The following SUPT3H variants were observed in gnomAD, a reference collection of about 807,000 sequenced individuals.
The protein encoded by SUPT3H is SPT3 homolog, SAGA and STAGA complex component, also known as transcription initiation protein SPT3 homolog.
A neutral mutation model predicts 44.3 loss-of-function variants in SUPT3H; 44 were observed. That is an observed-to-expected ratio of 0.99 (90% CI 0.78 to 1.28). The LOEUF (loss-of-function observed/expected upper bound fraction) is 1.28. SUPT3H is among the 50% of genes most tolerant of loss of function. SUPT3H has a pLI of 0.00. For missense variants in SUPT3H, 380 were observed against 387.1 expected (o/e 0.98, Z 0.15); for synonymous variants, 124 against 125.6 (o/e 0.99, Z 0.09).
intron 10 of SUPT3H, among the ~76,000 whole-genome samples, chr6:44,895,067 C>T: frequency 6.6e-6 from 1 of 151,888 alleles, no homozygotes; most frequent in East Asian, 1.9e-4. Flanking sequence ...AATACTTAAA[C>T]ATTTTCTTTA....
intron 2 of SUPT3H, among the ~76,000 whole-genome samples, chr6:45,360,754 A>G (rs1429064060): frequency 6.6e-6 from 1 of 152,148 alleles, no homozygotes. Context: ...TGGACATTCT[A>G]AATTTGAGGT....
intron 2 of SUPT3H, among the ~76,000 whole-genome samples, chr6:45,275,181 T>A (rs779424101): frequency 2.0e-5 from 3 of 152,136 alleles, no homozygotes; most frequent in Non-Finnish European, 4.4e-5. Flanking sequence ...CATCACAAAA[T>A]AAACTGGGAG....
At chr6:45,311,130 A>T (rs1783878173) in intron 2 of SUPT3H, among the ~76,000 whole-genome samples, 1 of 152,202 alleles carries the variant, frequency 6.6e-6, no homozygotes, top group Admixed American at 6.5e-5. Context: ...TAGAAATGCA[A>T]AATGCTCTGG....
intron 2 of SUPT3H, among the ~76,000 whole-genome samples, chr6:45,179,871 G>A (rs1038281746): frequency 6.6e-6 from 1 of 152,164 alleles, no homozygotes; most frequent in African/African-American, 2.4e-5. Flanking sequence ...TCTGTCCAGG[G>A]CAATTAGGCA....
At chr6:45,318,366 T>G (rs572057892) in intron 2 of SUPT3H, among the ~76,000 whole-genome samples, 3 of 152,196 alleles carry the variant, frequency 2.0e-5, no homozygotes, top group Admixed American at 1.3e-4. Context: ...GCAAAACCTA[T>G]GAAATGGTAC....
chr6:45,084,896 G>T (rs1008545239), intron 3 of SUPT3H, among the ~76,000 whole-genome samples: 5 of 152,136 alleles, frequency 3.3e-5, no homozygotes, highest in Non-Finnish European at 7.4e-5. Flanking sequence ...TCACCTGTTA[G>T]TGGGAGCTAA....
At chr6:45,330,545 C>A (rs915275991) in intron 2 of SUPT3H, among the ~76,000 whole-genome samples, 2 of 151,850 alleles carry the variant, frequency 1.3e-5, no homozygotes, top group East Asian at 3.9e-4. Flanking sequence ...TCAAAAAATT[C>A]TTCAGTATTA....
At chr6:45,046,035 C>T (rs1789341774) in intron 3 of SUPT3H, among the ~76,000 whole-genome samples, 1 of 152,144 alleles carries the variant, frequency 6.6e-6, no homozygotes, top group South Asian at 2.1e-4. Context: ...GACTTGTTCT[C>T]ATTCTTAAGG....
intron 10 of SUPT3H, among the ~76,000 whole-genome samples, chr6:44,918,022 A>T (rs1768083447): frequency 6.6e-6 from 1 of 152,164 alleles, no homozygotes; most frequent in Non-Finnish European, 1.5e-5. Context: ...ACAGCTGGTA[A>T]CCTGTGACAT....
At chr6:44,889,902 C>A (rs1335287781) in intron 10 of SUPT3H, among the ~76,000 whole-genome samples, 14 of 151,934 alleles carry the variant, frequency 9.2e-5, no homozygotes, top group South Asian at 4.2e-4. Flanking sequence ...CAATGAACTC[C>A]AACAAATTTA....
intron 6 of SUPT3H, among the ~76,000 whole-genome samples, chr6:44,984,212 A>G (rs1025827873): frequency 6.6e-6 from 1 of 152,090 alleles, no homozygotes; most frequent in Admixed American, 6.6e-5. Context: ...GCTGAATCAA[A>G]CAGAGGCCAT....
At chr6:45,342,364 C>T (rs1010890952) in intron 2 of SUPT3H, among the ~76,000 whole-genome samples, 1 of 152,016 alleles carries the variant, frequency 6.6e-6, no homozygotes, top group South Asian at 2.1e-4. Flanking sequence ...TGGGTTCAAG[C>T]GATTCTCCTG....
At chr6:45,014,069 T>C (rs990336863) in intron 5 of SUPT3H, among the ~76,000 whole-genome samples, 1 of 152,084 alleles carries the variant, frequency 6.6e-6, no homozygotes, top group African/African-American at 2.4e-5. Context: ...GACTCTGCCA[T>C]CCTTACATAG....
intron 9 of SUPT3H, among the ~76,000 whole-genome samples, chr6:44,933,526 C>T (rs1371413652): frequency 6.6e-6 from 1 of 152,092 alleles, no homozygotes; most frequent in Non-Finnish European, 1.5e-5. Context: ...ATATCTCGGG[C>T]CTCGGTTTCC....
chr6:45,157,269 C>T (rs1807982245), intron 2 of SUPT3H, among the ~76,000 whole-genome samples: 1 of 151,872 alleles, frequency 6.6e-6, no homozygotes, highest in African/African-American at 2.4e-5. Context: ...TATTTTGAAA[C>T]ATTCTTTTTA....
At chr6:45,281,588 G>C (rs1778092230) in intron 2 of SUPT3H, among the ~76,000 whole-genome samples, 1 of 152,214 alleles carries the variant, frequency 6.6e-6, no homozygotes, top group Admixed American at 6.5e-5. Flanking sequence ...AAACAAAGCA[G>C]CCGGGAAGCT....
At chr6:45,348,224 G>A (rs1367764651) in intron 2 of SUPT3H, among the ~76,000 whole-genome samples, 1 of 151,890 alleles carries the variant, frequency 6.6e-6, no homozygotes, top group Non-Finnish European at 1.5e-5. Context: ...GTCTGACTCT[G>A]GAGTCAGAAA....
At chr6:45,354,555 GGAT>G (rs1792745890) in intron 2 of SUPT3H, among the ~76,000 whole-genome samples, 1 of 151,850 alleles carries the variant, frequency 6.6e-6, no homozygotes, top group Non-Finnish European at 1.5e-5. Flanking sequence ...CAGTTTCCTT[GGAT>G]AATAAGGGGC....
chr6:45,087,827 G>C (rs1023480338), intron 3 of SUPT3H, among the ~76,000 whole-genome samples: 1 of 151,764 alleles, frequency 6.6e-6, no homozygotes, highest in Non-Finnish European at 1.5e-5. Context: ...AGAATGTTGG[G>C]AAATTTCTTC....
Sources: allele counts gnomAD v4.1 joint callset (sites outside exome capture counted in the v4.1 genomes callset), GRCh38; gene constraint gnomAD v4.1.1; transcripts MANE v1.5; gene names NCBI Gene and HGNC (gene_info 2026-07-23, HGNC 2026-07-21).